SLC48A1: variants seen among roughly 807,000 people sequenced by gnomAD.
SLC48A1 encodes solute carrier family 48 member 1.
Under a neutral mutation model 14.8 loss-of-function variants are expected in SLC48A1, and 6 were observed. The observed-to-expected ratio is 0.41, with a 90% CI of 0.22 to 0.80. The LOEUF (loss-of-function observed/expected upper bound fraction) is 0.80, where lower values mean the gene tolerates loss of function less well. SLC48A1 is among the 30% of genes least tolerant of loss of function. The pLI, the probability that SLC48A1 is intolerant of heterozygous loss-of-function variation, is 0.34. For synonymous variants in SLC48A1, 89 were observed against 90.0 expected (o/e 0.99, Z 0.06); for missense variants, 165 against 204.8 (o/e 0.81, Z 1.19).
At chr12:47,763,033 G>C (rs1239488100) in intron 2 of SLC48A1, among the ~76,000 whole-genome samples, 1 of 152,220 alleles carries the variant, frequency 6.6e-6, no homozygotes, top group African/African-American at 2.4e-5. Context: ...CCCCAGCACA[G>C]TGTCTGGCAT....
chr12:47,771,001 C>A, upstream of SLC48A1: 1 of 450,928 alleles, frequency 2.2e-6, no homozygotes, highest in East Asian at 7.0e-5. Flanking sequence ...CCCTCCTCCA[C>A]AGGACCAGCA....
rs1942807959 is a variant in SLC48A1 at position 47,779,022 on chromosome 12, C to T, written c.137-6C>T. On this transcript the variant is annotated splice_polypyrimidine_tract_variant and splice_region_variant and intron_variant, in intron 1 of 2. Transcript: ENST00000442218. ...GGGGATGGGCCCTGATGTGTCTCTC[C>T]TGCAGGGGTGCTGGCACTGTGGGTC... 6.4e-7 allele frequency: 1 copy of T among 1,551,274 alleles called. No individual in the cohort carries two copies. The highest frequency in any genetic ancestry group is 8.7e-7 in the Non-Finnish European group (1 of 1,146,738).
At chr12:47,760,141 GC>G (rs1246206917) in intron 1 of SLC48A1, 5 of 919,970 alleles carry the variant, frequency 5.4e-6, no homozygotes, top group Non-Finnish European at 6.5e-6. Context: ...TAAAATGCAG[GC>G]TCCGTCCCCA....
Position 47,780,329 on chromosome 12 carries a change from C to G in SLC48A1, c.*48C>G, listed in dbSNP as rs746168115. ...CCCTGGGGGGGCCTTAGGACCTGGA[C>G]TCAGCCTCTGAGATGTTGGGAGAGG... On this transcript the variant is annotated 3_prime_UTR_variant, in exon 3 of 3. Coordinates refer to ENST00000442218, the MANE Select transcript of SLC48A1 (RefSeq NM_017842.3). 5.0e-6 allele frequency: 8 copies of G among 1,613,898 alleles called. No individual in the cohort carries two copies. The highest frequency in any genetic ancestry group is 6.8e-6 in the Non-Finnish European group (8 of 1,179,802).
chr12:47,764,846 A>G (rs2136848169), intron 2 of SLC48A1, among the ~76,000 whole-genome samples: 1 of 152,290 alleles, frequency 6.6e-6, no homozygotes, highest in South Asian at 2.1e-4. Context: ...TGGGAGGCCA[A>G]GGCGGGTGGA....
intron 1 of SLC48A1, chr12:47,758,761 A>C: frequency 2.5e-6 from 2 of 812,098 alleles, no homozygotes; most frequent in Non-Finnish European, 3.0e-6. Flanking sequence ...GGGTGAGTAG[A>C]GGGGTGGGGG....
chr12:47,757,022 A>C (rs181351765), upstream of SLC48A1, among the ~76,000 whole-genome samples: 56 of 152,150 alleles, frequency 3.7e-4, no homozygotes, highest in Admixed American at 1.4e-3. Flanking sequence ...GGCCAAGCGC[A>C]GTGGGTCACG....
chr12:47,758,525 C>G, upstream of SLC48A1: 1 of 1,613,504 alleles, frequency 6.2e-7, no homozygotes, highest in Non-Finnish European at 8.5e-7. Flanking sequence ...CCTGCTCCTC[C>G]TCAACCCTGA....
At chr12:47,775,209 C>T (rs1278625211) in intron 1 of SLC48A1, among the ~76,000 whole-genome samples, 1 of 152,194 alleles carries the variant, frequency 6.6e-6, no homozygotes, top group South Asian at 2.1e-4. Flanking sequence ...CTCCAGCTGC[C>T]TCCTAGAGGG....
upstream of SLC48A1, among the ~76,000 whole-genome samples, chr12:47,770,367 G>T (rs1312062987): frequency 1.3e-5 from 2 of 152,110 alleles, no homozygotes; most frequent in African/African-American, 4.8e-5. Flanking sequence ...TGACCTTTAG[G>T]TTCAGATAGC....
exon 1 of SLC48A1, chr12:47,758,585 A>G (rs778972736): frequency 6.2e-7 from 1 of 1,613,702 alleles, no homozygotes; most frequent in East Asian, 2.2e-5. Flanking sequence ...ACAGCCGTGC[A>G]GGCTCTAGCA....
chr12:47,760,435 A>C (rs140678954), intron 2 of SLC48A1: 44 of 984,462 alleles, frequency 4.5e-5, no homozygotes, highest in Non-Finnish European at 5.1e-5. Context: ...GGATGGAGTC[A>C]TGAGTTTCGG....
At chr12:47,761,564 A>T (rs1942381771) in intron 2 of SLC48A1, among the ~76,000 whole-genome samples, 1 of 152,178 alleles carries the variant, frequency 6.6e-6, no homozygotes, top group East Asian at 1.9e-4. Context: ...GGATCCCTGG[A>T]TGGGGACCCG....
intron 2 of SLC48A1, among the ~76,000 whole-genome samples, chr12:47,779,855 C>T (rs969246258): frequency 6.6e-6 from 1 of 152,242 alleles, no homozygotes; most frequent in Non-Finnish European, 1.5e-5. Flanking sequence ...GCGAGGGTTG[C>T]GTGCCCCTGA....
At position 47,780,449 on chromosome 12, in the gene SLC48A1, C is replaced by G. The variant is rs749506353; in HGVS notation, c.*168C>G. 1 of 1,066,712 alleles carries G rather than the reference C, an allele frequency of 9.4e-7. No individual in the cohort carries two copies. The highest frequency in any genetic ancestry group is 2.4e-5 in the East Asian group (1 of 42,332). The allele number at this position is 1,066,712 out of a possible 1,614,324, so 66.1% of individuals were successfully genotyped here. On this transcript the variant is annotated 3_prime_UTR_variant, in exon 3 of 3. Transcript: ENST00000442218. Reference sequence around the variant, plus strand: ...GGAAGCTGTCCTGCCCGTCCCCTTTCGAGGAAACCTGAGTGTGGTAGAGAG... The same window carrying G: ...GGAAGCTGTCCTGCCCGTCCCCTTTGGAGGAAACCTGAGTGTGGTAGAGAG...
At position 47,780,365 on chromosome 12, in the gene SLC48A1, C is replaced by A. The variant is rs766261459; in HGVS notation, c.*84C>A. On this transcript the variant is annotated 3_prime_UTR_variant, in exon 3 of 3. Transcript: ENST00000442218. ...AGATGTTGGGAGAGGCTACTCCCAC[C>A]CCCTGGTGACCCCAGAACTGTGGCA... The A allele has an allele frequency of 6.3e-7, 1 of 1,591,192 alleles. No individual in the cohort carries two copies. The highest frequency in any genetic ancestry group is 2.2e-5 in the East Asian group (1 of 44,740).
upstream of SLC48A1, among the ~76,000 whole-genome samples, chr12:47,754,918 C>T (rs1941963114): frequency 6.6e-6 from 1 of 152,190 alleles, no homozygotes; most frequent in Non-Finnish European, 1.5e-5. Context: ...TGGCCTGCCC[C>T]ACCCTCACTC....
In SLC48A1 at chr12:47,780,363, A is replaced by T; in HGVS notation, c.*82A>T. On this transcript the variant is annotated 3_prime_UTR_variant, in exon 3 of 3. Coordinates refer to ENST00000442218, the MANE Select transcript of SLC48A1 (RefSeq NM_017842.3). Reference sequence around the variant, plus strand: ...TGAGATGTTGGGAGAGGCTACTCCCACCCCCTGGTGACCCCAGAACTGTGG... The same window carrying T: ...TGAGATGTTGGGAGAGGCTACTCCCTCCCCCTGGTGACCCCAGAACTGTGG... 4 of 1,601,190 alleles carry T rather than the reference A, an allele frequency of 2.5e-6. No individual in the cohort carries two copies. Among genetic ancestry groups the T allele is most frequent in the Non-Finnish European group, 3.4e-6 (4 of 1,168,890 alleles).
At chr12:47,769,731 G>A (rs1942589584), upstream of SLC48A1, 1 of 152,150 alleles carries the variant, frequency 6.6e-6, no homozygotes, top group Non-Finnish European at 1.5e-5. Flanking sequence ...ACAAGCCTGT[G>A]ATGTTTCATC....
Sources: gnomAD v4.1 joint callset for allele counts (sites outside exome capture counted in the v4.1 genomes callset) on GRCh38, gnomAD v4.1.1 for gene constraint, MANE v1.5 for transcripts, NCBI Gene and HGNC (gene_info 2026-07-23, HGNC 2026-07-21) for gene names.